Variants in RALYL observed in about 807,000 individuals in gnomAD.
RALYL encodes RALY RNA binding protein like.
Under a neutral mutation model 35.1 loss-of-function variants are expected in RALYL, and 29 were observed. The ratio of observed to expected loss-of-function variants is 0.83; its 90% confidence interval spans 0.61 to 1.13. The LOEUF is 1.13. RALYL is among the 50% of genes most tolerant of loss of function. RALYL has a pLI of 0.00. For synonymous variants in RALYL, 120 were observed against 127.6 expected, an observed-to-expected ratio of 0.94 and a Z score of 0.40; for missense variants, 359 against 360.4, an observed-to-expected ratio of 1.00 and a Z score of 0.03.
intron 1 of RALYL, among the ~76,000 whole-genome samples, chr8:84,275,474 A>AATATAT (rs112699780): frequency 3.5e-4 from 51 of 147,154 alleles, no homozygotes; most frequent in African/African-American, 1.2e-3. Flanking sequence ...GATGTTTTGA[A>AATATAT]ATATATATAT....
At chr8:84,552,716 C>CT (rs112505646) in intron 2 of RALYL, among the ~76,000 whole-genome samples, 292 of 147,028 alleles carry the variant, frequency 2.0e-3, no homozygotes, top group African/African-American at 6.4e-3. Flanking sequence ...AATTAGACCC[C>CT]TTTTTTTTTT....
intron 1 of RALYL, among the ~76,000 whole-genome samples, chr8:84,199,279 A>G (rs1382616398): frequency 3.4e-5 from 5 of 146,794 alleles, no homozygotes; most frequent in African/African-American, 4.9e-5. Flanking sequence ...TGACCTTTTC[A>G]TATGCCTGTT....
At position 84,194,108 on chromosome 8, in the gene RALYL, A is replaced by G. The variant is rs548432301; in HGVS notation, c.-24+9684A>G. ...AGCGTTTGACAGTGGAACATCGTCAAATGGTGAATAAATTTTAGAGTATGG... is the reference window on the plus strand; with the variant it reads ...AGCGTTTGACAGTGGAACATCGTCAGATGGTGAATAAATTTTAGAGTATGG... On this transcript the variant is annotated intron_variant, in intron 1 of 8. Transcript: ENST00000521268. Among the ~76,000 whole-genome samples the G allele has an allele frequency of 1.6e-4, 24 of 152,338 alleles. No individual in the cohort carries two copies. In the South Asian group the frequency reaches 4.6e-3, roughly 29 times the overall value.
chr8:84,735,532 G>T (rs963667713), intron 2 of RALYL, among the ~76,000 whole-genome samples: 2 of 151,900 alleles, frequency 1.3e-5, no homozygotes, highest in African/African-American at 4.8e-5. Flanking sequence ...AGCCTCAACT[G>T]AAGTTCATGT....
intron 1 of RALYL, among the ~76,000 whole-genome samples, chr8:84,439,258 C>A (rs899462059): frequency 6.6e-6 from 1 of 152,110 alleles, no homozygotes; most frequent in East Asian, 1.9e-4. Flanking sequence ...TCTATGATTT[C>A]TTGTCATTGT....
At chr8:84,240,598 A>G (rs1336157552) in intron 1 of RALYL, among the ~76,000 whole-genome samples, 1 of 152,196 alleles carries the variant, frequency 6.6e-6, no homozygotes, top group Non-Finnish European at 1.5e-5. Context: ...AGGATGTACT[A>G]TGGCATTTCT....
chr8:84,695,403 A>G (rs374219047), intron 2 of RALYL, among the ~76,000 whole-genome samples: 1 of 151,860 alleles, frequency 6.6e-6, no homozygotes, highest in Non-Finnish European at 1.5e-5. Flanking sequence ...TTGACATATT[A>G]CAGGGTTTTC....
intron 2 of RALYL, among the ~76,000 whole-genome samples, chr8:84,694,996 A>G (rs1564388973): frequency 6.6e-6 from 1 of 151,834 alleles, no homozygotes; most frequent in Non-Finnish European, 1.5e-5. Flanking sequence ...ACATTTATAG[A>G]TGAGGGAACT....
chr8:84,513,436 A>G (rs1162063800), intron 1 of RALYL, among the ~76,000 whole-genome samples: 1 of 152,102 alleles, frequency 6.6e-6, no homozygotes, highest in African/African-American at 2.4e-5. Flanking sequence ...TTTTAAAAAT[A>G]TTAGACACAA....
At chr8:84,660,237 T>A (rs1296966277) in intron 2 of RALYL, among the ~76,000 whole-genome samples, 2 of 152,104 alleles carry the variant, frequency 1.3e-5, no homozygotes, top group Admixed American at 6.5e-5. Context: ...TATTTGAATT[T>A]TCTCAATAAT....
rs151256718 is a variant in RALYL at position 84,833,212 on chromosome 8, T to C, written c.366-16768T>C. Reference sequence around the variant, plus strand: ...TTTCTTCATCTATACGGATCCTAGTTGGTCAAAATTATTCTAAAAGTGCAC... The same window carrying C: ...TTTCTTCATCTATACGGATCCTAGTCGGTCAAAATTATTCTAAAAGTGCAC... On this transcript the variant is annotated intron_variant, in intron 4 of 8. Transcript: ENST00000521268. 2.3e-3 allele frequency among the ~76,000 whole-genome samples: 353 copies of C among 152,330 alleles called. 2 individuals carry two copies. Among genetic ancestry groups the C allele is most frequent in the African/African-American group, 7.3e-3 (304 of 41,574 alleles).
intron 4 of RALYL, among the ~76,000 whole-genome samples, chr8:84,844,558 T>C (rs190957192): frequency 1.3e-5 from 2 of 152,350 alleles, no homozygotes; most frequent in African/African-American, 4.8e-5. Flanking sequence ...GAAGTCAGTG[T>C]GGCAATTCCT....
chr8:84,501,887 T>C (rs2056705293), intron 1 of RALYL, among the ~76,000 whole-genome samples: 1 of 150,884 alleles, frequency 6.6e-6, no homozygotes, highest in Non-Finnish European at 1.5e-5. Flanking sequence ...TCATAAATAA[T>C]AAATTGGGAT....
intron 7 of RALYL, among the ~76,000 whole-genome samples, chr8:84,880,265 T>C (rs1286062117): frequency 2.0e-5 from 3 of 152,040 alleles, no homozygotes; most frequent in Non-Finnish European, 4.4e-5. Flanking sequence ...AATTGCAAGT[T>C]TGCTAAAGCA....
intron 1 of RALYL, among the ~76,000 whole-genome samples, chr8:84,390,674 G>A (rs574051371): frequency 1.5e-4 from 23 of 152,074 alleles, no homozygotes; most frequent in African/African-American, 5.3e-4. Context: ...TATTTCTGTG[G>A]GATCAGTGGT....
At chr8:84,543,413 A>T (rs774524466) in intron 2 of RALYL, among the ~76,000 whole-genome samples, 1 of 151,972 alleles carries the variant, frequency 6.6e-6, no homozygotes, top group Non-Finnish European at 1.5e-5. Flanking sequence ...GTGGTGTATC[A>T]CTTTACAAAA....
At chr8:84,819,426 C>A (rs950930276) in intron 4 of RALYL, among the ~76,000 whole-genome samples, 1 of 152,188 alleles carries the variant, frequency 6.6e-6, no homozygotes, top group Non-Finnish European at 1.5e-5. Flanking sequence ...TTGTCAAAAT[C>A]ATTTAAACTG....
chr8:84,421,809 G>T (rs1171908264), intron 1 of RALYL, among the ~76,000 whole-genome samples: 270 of 142,416 alleles, frequency 1.9e-3, no homozygotes, highest in African/African-American at 6.9e-3. Flanking sequence ...AGATAATCAT[G>T]TGGTTTTTGT....
rs572859348 is a variant in RALYL at position 84,341,266 on chromosome 8, T to C, written c.-24+156842T>C. 4.6e-5 allele frequency among the ~76,000 whole-genome samples: 7 copies of C among 151,840 alleles called. No individual in the cohort carries two copies. In the South Asian group the frequency reaches 1.5e-3, roughly 32 times the overall value. ...AATGAGAGACTAAATATTACCATTT[T>C]ATTTAAATATTATGTGCACAGTCAT... On this transcript the variant is annotated intron_variant, in intron 1 of 8. Transcript: ENST00000521268.
Sources: allele counts gnomAD v4.1 joint callset (sites outside exome capture counted in the v4.1 genomes callset), GRCh38; gene constraint gnomAD v4.1.1; transcripts MANE v1.5; gene names NCBI Gene and HGNC (gene_info 2026-07-23, HGNC 2026-07-21).